Variants in SNTG1 observed in about 807,000 individuals in gnomAD.
The protein encoded by SNTG1 is gamma-1-syntrophin.
In SNTG1, 39 loss-of-function variants were observed where a neutral mutation model predicts 74.7. The ratio of observed to expected loss-of-function variants is 0.52; its 90% CI spans 0.40 to 0.68. The LOEUF is 0.68. Ranked by LOEUF, SNTG1 falls within the 30% of genes least tolerant of loss-of-function variation. The pLI, the probability that SNTG1 is intolerant of heterozygous loss-of-function variation, is 0.00. For synonymous variants in SNTG1, 254 were observed against 217.1 expected (o/e 1.17, Z -1.49); for missense variants, 685 against 609.5 (o/e 1.12, Z -1.30).
chr8:50,207,615 A>T (rs1360639777), intron 2 of SNTG1, among the ~76,000 whole-genome samples: 1 of 152,014 alleles, frequency 6.6e-6, no homozygotes, highest in Non-Finnish European at 1.5e-5. Flanking sequence ...GAACTTTTGA[A>T]TGTGTTTGCT....
At chr8:49,967,552 A>T (rs1472000022) in intron 1 of SNTG1, among the ~76,000 whole-genome samples, 1 of 151,478 alleles carries the variant, frequency 6.6e-6, no homozygotes, top group South Asian at 2.1e-4. Context: ...ATTTATTATA[A>T]TATATAAACT....
chr8:50,789,593 T>G (rs756575630), intron 18 of SNTG1, among the ~76,000 whole-genome samples: 5 of 151,984 alleles, frequency 3.3e-5, no homozygotes, highest in Non-Finnish European at 7.4e-5. Flanking sequence ...AATCTTGATC[T>G]TTACTTCCAA....
intron 1 of SNTG1, among the ~76,000 whole-genome samples, chr8:50,014,637 A>T (rs958736921): frequency 6.6e-6 from 1 of 152,164 alleles, no homozygotes; most frequent in Non-Finnish European, 1.5e-5. Flanking sequence ...GTTGGAAGAC[A>T]TGGACTCACA....
rs544367809 is a variant in SNTG1 at position 50,173,052 on chromosome 8, C to T, written c.-28+417C>T. Among the ~76,000 whole-genome samples, 13 of 150,252 alleles carry T rather than the reference C, an allele frequency of 8.7e-5. 1 individual carries two copies. The highest frequency in any genetic ancestry group is 2.9e-4 in the African/African-American group (12 of 40,936). ...ACACATTTCAGTGAGCTGCGATTTT[C>T]TGAGAAGGGCAGACACTCAACAATG... On this transcript the variant is annotated intron_variant, in intron 2 of 18. Coordinates refer to ENST00000642720, the MANE Select transcript of SNTG1 (RefSeq NM_018967.5).
intron 5 of SNTG1, among the ~76,000 whole-genome samples, chr8:50,447,017 G>C (rs1001476225): frequency 6.6e-6 from 1 of 152,104 alleles, no homozygotes; most frequent in African/African-American, 2.4e-5. Flanking sequence ...TGTAATAAAA[G>C]TTATGTGAAT....
At chr8:50,310,470 C>A (rs559767297) in intron 2 of SNTG1, among the ~76,000 whole-genome samples, 1 of 152,220 alleles carries the variant, frequency 6.6e-6, no homozygotes, top group East Asian at 1.9e-4. Flanking sequence ...GGATGGGTCA[C>A]CTGAGGTCAG....
At chr8:50,680,653 G>A (rs1052683506) in intron 15 of SNTG1, among the ~76,000 whole-genome samples, 11 of 152,032 alleles carry the variant, frequency 7.2e-5, no homozygotes, top group Non-Finnish European at 1.6e-4. Flanking sequence ...AACACCCTTC[G>A]GAGGCAGTCT....
At chr8:50,419,609 A>C (rs1330437605) in intron 4 of SNTG1, among the ~76,000 whole-genome samples, 2 of 152,176 alleles carry the variant, frequency 1.3e-5, no homozygotes, top group Non-Finnish European at 2.9e-5. Flanking sequence ...TCCCCTCAAC[A>C]AGGGTTGTAT....
At chr8:50,728,143 A>G (rs1187042339) in intron 17 of SNTG1, among the ~76,000 whole-genome samples, 1 of 152,152 alleles carries the variant, frequency 6.6e-6, no homozygotes, top group Non-Finnish European at 1.5e-5. Context: ...CCTGCCAGGG[A>G]CACAGAACTG....
intron 1 of SNTG1, among the ~76,000 whole-genome samples, chr8:50,044,863 A>T (rs922271085): frequency 3.3e-5 from 5 of 152,212 alleles, no homozygotes; most frequent in Admixed American, 1.3e-4. Context: ...AGATGATTTT[A>T]TGGTTATAAG....
At chr8:50,526,360 G>A (rs1399283205) in intron 9 of SNTG1, among the ~76,000 whole-genome samples, 2 of 152,116 alleles carry the variant, frequency 1.3e-5, no homozygotes, top group Admixed American at 1.3e-4. Flanking sequence ...ATCACACCAA[G>A]TTATTCCAGC....
At chr8:50,366,550 A>AATG (rs2092116359) in intron 2 of SNTG1, among the ~76,000 whole-genome samples, 1 of 151,616 alleles carries the variant, frequency 6.6e-6, no homozygotes, top group African/African-American at 2.4e-5. Flanking sequence ...GAGGTTTGGG[A>AATG]ATGTATAATA....
At chr8:50,391,456 T>G (rs999364407) in intron 2 of SNTG1, among the ~76,000 whole-genome samples, 1 of 152,204 alleles carries the variant, frequency 6.6e-6, no homozygotes, top group Non-Finnish European at 1.5e-5. Flanking sequence ...TTCGATGTGC[T>G]GCTGGATTCA....
At chr8:49,980,490 C>T (rs941283199) in intron 1 of SNTG1, among the ~76,000 whole-genome samples, 2 of 114,804 alleles carry the variant, frequency 1.7e-5, no homozygotes, top group Non-Finnish European at 3.3e-5. Context: ...GCTTTACTTT[C>T]TCCTCACATC....
intron 17 of SNTG1, among the ~76,000 whole-genome samples, chr8:50,716,122 T>C: frequency 6.6e-6 from 1 of 152,186 alleles, no homozygotes; most frequent in East Asian, 1.9e-4. Flanking sequence ...ATTACACATC[T>C]TTAGGCTTTT....
chr8:50,185,092 T>C (rs2083333393), intron 2 of SNTG1, among the ~76,000 whole-genome samples: 1 of 152,330 alleles, frequency 6.6e-6, no homozygotes, highest in Admixed American at 6.5e-5. Context: ...CAGGTTCATA[T>C]GGTTTGCATC....
intron 12 of SNTG1, among the ~76,000 whole-genome samples, chr8:50,562,848 C>G (rs1227374158): frequency 2.0e-5 from 3 of 152,126 alleles, no homozygotes; most frequent in Non-Finnish European, 4.4e-5. Flanking sequence ...TGCAAATCAG[C>G]CTATAGTAAT....
At chr8:50,579,806 T>C (rs533379978) in intron 12 of SNTG1, among the ~76,000 whole-genome samples, 1 of 152,342 alleles carries the variant, frequency 6.6e-6, no homozygotes, top group Non-Finnish European at 1.5e-5. Flanking sequence ...AGAAGATGTA[T>C]GGACATGTCT....
At chr8:50,094,057 C>T (rs760173627) in intron 1 of SNTG1, among the ~76,000 whole-genome samples, 8 of 152,018 alleles carry the variant, frequency 5.3e-5, no homozygotes, top group African/African-American at 1.7e-4. Context: ...AGGCAGTATG[C>T]GGCTTGAAGA....
Sources: gnomAD v4.1 joint callset for allele counts (sites outside exome capture counted in the v4.1 genomes callset) on GRCh38, gnomAD v4.1.1 for gene constraint, MANE v1.5 for transcripts, NCBI Gene and HGNC (gene_info 2026-07-23, HGNC 2026-07-21) for gene names.